Variants in DENND3 observed in about 807,000 individuals in gnomAD.
The protein encoded by DENND3 is DENN domain containing 3, also known as DENN domain-containing protein 3.
In DENND3, 88 loss-of-function variants were observed where a neutral mutation model predicts 135.1. That is an observed-to-expected ratio of 0.65 (90% confidence interval 0.55 to 0.78). DENND3 has a LOEUF of 0.78. DENND3 is among the 30% of genes least tolerant of loss of function. The probability of loss-of-function intolerance (pLI) is 0.00; values close to 1 mark genes in which losing one functional copy is unlikely to be tolerated. For missense variants in DENND3, 1,392 were observed against 1,688.4 expected (o/e 0.82, Z 3.08); for synonymous variants, 693 against 712.3 (o/e 0.97, Z 0.43).
chr8:141,135,138 T>C (rs1022026780), intron 1 of DENND3, among the ~76,000 whole-genome samples: 1 of 146,840 alleles, frequency 6.8e-6, no homozygotes, highest in Non-Finnish European at 1.5e-5. Flanking sequence ...GCCCAGCTCT[T>C]TCTTTCTTTC....
Position 141,175,026 on chromosome 8 carries a change from G to A in DENND3, c.2276-174G>A, listed in dbSNP as rs1822146534. 6.6e-6 allele frequency among the ~76,000 whole-genome samples: 1 copy of A among 152,206 alleles called. No homozygotes were observed. Among genetic ancestry groups the A allele is most frequent in the Admixed American group, 6.5e-5 (1 of 15,286 alleles). ...CTTGACAGCTGGACACACCTGGGCT[G>A]CAGGGAAGGCCCTGGGAAACCTTCT... On this transcript the variant is annotated intron_variant, in intron 13 of 22. Coordinates refer to ENST00000519811, the MANE Select transcript of DENND3 (RefSeq NM_001352890.3). This position sits in a 1 kb window ranked among gnomAD's most constrained non-coding sequence, Gnocchi z 5.4.
At position 141,130,674 on chromosome 8, in the gene DENND3, C is replaced by T. The variant is rs1006042417; in HGVS notation, c.102+1865C>T. Among the ~76,000 whole-genome samples, 3 of 149,468 alleles carry T rather than the reference C, an allele frequency of 2.0e-5. No homozygotes were observed. Among genetic ancestry groups the T allele is most frequent in the African/African-American group, 7.4e-5 (3 of 40,414 alleles). On this transcript the variant is annotated intron_variant, in intron 1 of 22. Coordinates refer to ENST00000519811, the MANE Select transcript of DENND3 (RefSeq NM_001352890.3). The surrounding 1 kb of genome is among the most constrained non-coding windows in gnomAD (Gnocchi z 4.2). ...TTTTCGGCGGTTCTATTTTGAATGT[C>T]CAAGGCTTTTAAATATATTTTTTTT...
At position 141,180,851 on chromosome 8, in the gene DENND3, C is replaced by G; in HGVS notation, c.2941C>G (p.Pro981Ala). 1 of 1,610,258 alleles carries G rather than the reference C, an allele frequency of 6.2e-7. No homozygotes were observed. Among genetic ancestry groups the G allele is most frequent in the East Asian group, 2.2e-5 (1 of 44,804 alleles). ...PQAVDVLLYT[P>A]GHLDPAEKVE... ...AGCGGTGGACGTGCTGCTCTACACTCCAGGTAAGGCCCCTCTGCCCGCGCC... is the reference window on the plus strand; with the variant it reads ...AGCGGTGGACGTGCTGCTCTACACTGCAGGTAAGGCCCCTCTGCCCGCGCC... Residue 981 changes from proline to alanine, a missense_variant, in exon 17 of 23, where the codon CCA (proline) becomes GCA (alanine). Coordinates refer to ENST00000519811, the MANE Select transcript of DENND3 (RefSeq NM_001352890.3).
At chr8:141,171,178 A>C (rs1036747911) in intron 13 of DENND3, among the ~76,000 whole-genome samples, 2 of 152,138 alleles carry the variant, frequency 1.3e-5, no homozygotes, top group African/African-American at 4.8e-5. Flanking sequence ...CACCTAATAC[A>C]TGTTTTGGCC....
rs184797887 is a variant in DENND3, at chr8:141,139,273, G to A, written c.501+1136G>A. On this transcript the variant is annotated intron_variant, in intron 3 of 22. Coordinates refer to ENST00000519811, the MANE Select transcript of DENND3 (RefSeq NM_001352890.3). The surrounding 1 kb of genome is among the most constrained non-coding windows in gnomAD (Gnocchi z 4.2). ...CTTACACATGTGACATTGAGTGTTG[G>A]GAGGCGTGAGGTATAATCACATGGA... 7.9e-5 allele frequency among the ~76,000 whole-genome samples: 12 copies of A among 152,316 alleles called. No homozygotes were observed. The East Asian group carries it at 2.3e-3, about 29-fold the overall frequency.
chr8:141,132,792 T>C (rs1217318240), intron 1 of DENND3, among the ~76,000 whole-genome samples: 1 of 152,182 alleles, frequency 6.6e-6, no homozygotes, highest in Non-Finnish European at 1.5e-5. Flanking sequence ...GGCACATCAT[T>C]ATAAGTGACT....
intron 4 of DENND3, among the ~76,000 whole-genome samples, chr8:141,143,303 G>T (rs550737785): frequency 6.6e-6 from 1 of 152,226 alleles, no homozygotes; most frequent in South Asian, 2.1e-4. Flanking sequence ...TTAAGTTCTA[G>T]GGTACATGTG....
rs928725454 is a variant in DENND3, at chr8:141,146,262, G to T, written c.735+2003G>T. Among the ~76,000 whole-genome samples, 3 of 152,138 alleles carry T rather than the reference G, an allele frequency of 2.0e-5. No homozygotes were observed. The highest frequency in any genetic ancestry group is 2.9e-5 in the Non-Finnish European group (2 of 68,028). Reference sequence around the variant, plus strand: ...TAGTGCTGTGTTACTTAATGAACAGGCAAACATTTCCCAGGCTGGTTTTTT... The same window carrying T: ...TAGTGCTGTGTTACTTAATGAACAGTCAAACATTTCCCAGGCTGGTTTTTT... On this transcript the variant is annotated intron_variant, in intron 5 of 22. Transcript: ENST00000519811. This position sits in a 1 kb window ranked among gnomAD's most constrained non-coding sequence, Gnocchi z 4.3.
At chr8:141,149,069 C>A (rs1263770137) in intron 5 of DENND3, among the ~76,000 whole-genome samples, 1 of 152,052 alleles carries the variant, frequency 6.6e-6, no homozygotes, top group Non-Finnish European at 1.5e-5. Flanking sequence ...TACCACCATG[C>A]CTGGCTAATT....
intron 8 of DENND3, among the ~76,000 whole-genome samples, chr8:141,158,617 G>A (rs563391849): frequency 2.6e-5 from 4 of 152,278 alleles, no homozygotes; most frequent in East Asian, 3.9e-4. Context: ...TGTGGGCTGC[G>A]GTGTCGTTGG....
Position 141,128,689 on chromosome 8 carries a change from C to A in DENND3, c.-19C>A. 1 of 1,369,214 alleles carries A rather than the reference C, an allele frequency of 7.3e-7. No homozygotes were observed. 84.8% of individuals were successfully genotyped at this position (1,369,214 alleles called of 1,614,324 possible). On this transcript the variant is annotated 5_prime_UTR_variant, in exon 1 of 23. Coordinates refer to ENST00000519811, the MANE Select transcript of DENND3 (RefSeq NM_001352890.3). This position sits in a 1 kb window ranked among gnomAD's most constrained non-coding sequence, Gnocchi z 4.5. Reference sequence around the variant, plus strand: ...CTGAGGCGCCCGAGTGCGGTACTGGCGGCGGGCGGCGGGCAGCCATGGCGG... The same window carrying A: ...CTGAGGCGCCCGAGTGCGGTACTGGAGGCGGGCGGCGGGCAGCCATGGCGG...
chr8:141,180,711 C>T (rs766119985), intron 16 of DENND3, 36 bp from the exon 17 acceptor site: 5 of 1,580,294 alleles, frequency 3.2e-6, no homozygotes, highest in South Asian at 2.3e-5. Flanking sequence ...TTCCTTGAGG[C>T]TGCAACAGTA....
rs1331177998 is a variant in DENND3, at chr8:141,150,941, G to A, written c.843G>A (p.Glu281=). The change falls in exon 6 of 23, where the codon GAG becomes GAA. Residue 281 remains glutamate, a synonymous_variant. Coordinates refer to ENST00000519811, the MANE Select transcript of DENND3 (RefSeq NM_001352890.3). ...LHLPLLCFRP[E]KVLQILTCIL... is the part of the protein sequence containing the mutation. ...TGCCCTTGCTGTGCTTCAGGCCTGA[G>A]AAGGTGCTACAGGTACGCGGCCCCG... is the stretch of plus-strand genomic sequence containing the variant. 1 of 1,592,094 alleles carries A rather than the reference G, an allele frequency of 6.3e-7. No individual in the cohort carries two copies. The highest frequency in any genetic ancestry group is 1.1e-5 in the South Asian group (1 of 87,814).
chr8:141,148,183 CGT>C (rs1242096402), intron 5 of DENND3, among the ~76,000 whole-genome samples: 2 of 152,062 alleles, frequency 1.3e-5, no homozygotes, highest in East Asian at 1.9e-4. Context: ...GTTTTGAATG[CGT>C]GTGTGTGCGT....
intron 15 of DENND3, chr8:141,177,014 C>A: frequency 2.1e-6 from 1 of 466,168 alleles, no homozygotes; most frequent in East Asian, 3.8e-5. Context: ...GGTGTGGGTG[C>A]CCCACTGCCC....
At chr8:141,176,291 A>C (rs200816427) in intron 14 of DENND3, 19,183 of 234,094 alleles carry the variant, frequency 0.082, 3,658 homozygotes, top group African/African-American at 0.42. Context: ...ACAAAACAAA[A>C]AAAAAAAAAC....
intron 13 of DENND3, among the ~76,000 whole-genome samples, chr8:141,169,163 A>G (rs1477645729): frequency 6.6e-6 from 1 of 152,350 alleles, no homozygotes; most frequent in East Asian, 1.9e-4. Context: ...CTGACCCTAT[A>G]TATTTTAAAT....
At chr8:141,172,214 C>T (rs1821704893) in intron 13 of DENND3, among the ~76,000 whole-genome samples, 2 of 145,054 alleles carry the variant, frequency 1.4e-5, no homozygotes, top group Admixed American at 1.4e-4. Context: ...AGTGGATGTG[C>T]ACAGTGGCCG....
At chr8:141,160,176 ATT>A (rs754210850) in intron 8 of DENND3, among the ~76,000 whole-genome samples, 28 of 107,042 alleles carry the variant, frequency 2.6e-4, no homozygotes, top group African/African-American at 4.0e-4. Context: ...CCAGCGATGT[ATT>A]TTTTTTTTTT....
Sources: gnomAD v4.1 joint callset for allele counts (sites outside exome capture counted in the v4.1 genomes callset) on GRCh38, gnomAD v4.1.1 for gene constraint, Gnocchi (gnomAD v3.1) non-coding constraint, MANE v1.5 for transcripts, NCBI Gene and HGNC (gene_info 2026-07-23, HGNC 2026-07-21) for gene names.